The following FSTL5 variants were observed in gnomAD, a reference collection of about 807,000 sequenced individuals.
The protein encoded by FSTL5 is follistatin like 5.
FSTL5 carries 62 observed loss-of-function variants against 89.1 expected under a neutral mutation model. The observed-to-expected ratio is 0.70, with a 90% CI of 0.57 to 0.86. The LOEUF is 0.86. Ranked by LOEUF, FSTL5 falls within the 40% of genes least tolerant of loss-of-function variation. FSTL5 has a pLI of 0.00. For missense variants in FSTL5, 1,057 were observed against 1,001.6 expected, an observed-to-expected ratio of 1.06 and a Z score of -0.75; for synonymous variants, 383 against 346.2, an observed-to-expected ratio of 1.11 and a Z score of -1.18.
chr4:161,597,714 T>C (rs184807906), intron 7 of FSTL5, among the ~76,000 whole-genome samples: 2 of 152,036 alleles, frequency 1.3e-5, no homozygotes, highest in African/African-American at 2.4e-5. Flanking sequence ...GCAGTTGTCC[T>C]GAGTAGATAC....
intron 8 of FSTL5, among the ~76,000 whole-genome samples, chr4:161,562,522 A>G (rs966825275): frequency 6.6e-6 from 1 of 151,924 alleles, no homozygotes; most frequent in African/African-American, 2.4e-5. Context: ...ATAATTTATA[A>G]TTTGGCTTTC....
intron 4 of FSTL5, among the ~76,000 whole-genome samples, chr4:161,831,885 C>T (rs1389254834): frequency 6.6e-6 from 1 of 151,542 alleles, no homozygotes; most frequent in Non-Finnish European, 1.5e-5. Flanking sequence ...AGAAAATTTG[C>T]TGAAAACTAT....
intron 6 of FSTL5, among the ~76,000 whole-genome samples, chr4:161,752,570 T>C (rs7689282): frequency 0.99 from 150,178 of 152,288 alleles, 74,075 homozygotes; most frequent in East Asian, 1. Context: ...TTCTGCCAAA[T>C]CTAGTGGCCA....
chr4:161,802,247 A>C (rs1227670649), intron 4 of FSTL5, among the ~76,000 whole-genome samples: 3 of 151,730 alleles, frequency 2.0e-5, no homozygotes, highest in African/African-American at 7.2e-5. Flanking sequence ...AAAATTAACT[A>C]TCTCCTATAA....
intron 7 of FSTL5, among the ~76,000 whole-genome samples, chr4:161,629,679 G>C (rs1053593557): frequency 6.6e-6 from 1 of 152,148 alleles, no homozygotes; most frequent in Non-Finnish European, 1.5e-5. Context: ...GCATCTTGGA[G>C]GGAAGAAAAT....
intron 2 of FSTL5, among the ~76,000 whole-genome samples, chr4:162,060,878 A>G (rs1225334173): frequency 6.6e-6 from 1 of 152,096 alleles, no homozygotes; most frequent in East Asian, 1.9e-4. Flanking sequence ...CTTAATATAC[A>G]GAAATTTCTG....
At chr4:162,101,682 G>T (rs1190414986) in intron 2 of FSTL5, among the ~76,000 whole-genome samples, 1 of 152,128 alleles carries the variant, frequency 6.6e-6, no homozygotes, top group Non-Finnish European at 1.5e-5. Flanking sequence ...AAGTAATACT[G>T]GATACAAATA....
At chr4:161,602,151 A>G (rs1734265745) in intron 7 of FSTL5, among the ~76,000 whole-genome samples, 1 of 151,830 alleles carries the variant, frequency 6.6e-6, no homozygotes, top group Non-Finnish European at 1.5e-5. Flanking sequence ...AGGACATGCT[A>G]TAAATAAATA....
At chr4:161,722,119 C>T (rs11933049) in intron 6 of FSTL5, among the ~76,000 whole-genome samples, 9,555 of 152,022 alleles carry the variant, frequency 0.063, 554 homozygotes, top group African/African-American at 0.16. Context: ...ATATCCTTGC[C>T]TTAAGGATTA....
chr4:161,992,859 AAAATATATATATAT>A (rs1560957261), intron 3 of FSTL5, among the ~76,000 whole-genome samples: 14 of 14,808 alleles, frequency 9.5e-4, no homozygotes, highest in Admixed American at 4.8e-3. Flanking sequence ...AAAAAAAAAA[AAAATATATATATAT>A]ATATATATAT....
chr4:161,669,581 C>T (rs1416970325), intron 6 of FSTL5, among the ~76,000 whole-genome samples: 1 of 151,750 alleles, frequency 6.6e-6, no homozygotes, highest in Non-Finnish European at 1.5e-5. Context: ...AACAAATGGA[C>T]ATTCACATTT....
At chr4:162,035,508 T>A (rs1384526434) in intron 2 of FSTL5, 1 of 151,970 alleles carries the variant, frequency 6.6e-6, no homozygotes, top group Non-Finnish European at 1.5e-5. Flanking sequence ...TCAAAAATAT[T>A]AAGGAGATCA....
intron 3 of FSTL5, among the ~76,000 whole-genome samples, chr4:162,024,118 A>G (rs1737194586): frequency 6.6e-6 from 1 of 152,202 alleles, no homozygotes. Context: ...CACAGAATCC[A>G]CCACAGAGCA....
chr4:162,085,809 G>A (rs1246201376), intron 2 of FSTL5, among the ~76,000 whole-genome samples: 1 of 152,056 alleles, frequency 6.6e-6, no homozygotes, highest in Non-Finnish European at 1.5e-5. Flanking sequence ...TCAGTCTCTT[G>A]GATACTAAAA....
At chr4:161,923,116 C>A (rs1025941889) in intron 3 of FSTL5, among the ~76,000 whole-genome samples, 8 of 151,860 alleles carry the variant, frequency 5.3e-5, no homozygotes, top group Admixed American at 3.9e-4. Context: ...TCCAACCATG[C>A]CCAAATAACA....
intron 6 of FSTL5, among the ~76,000 whole-genome samples, chr4:161,722,555 T>C (rs958361339): frequency 6.6e-6 from 1 of 152,190 alleles, no homozygotes; most frequent in African/African-American, 2.4e-5. Context: ...TTCTAGCACC[T>C]TTGAATATTC....
chr4:162,001,993 ATTTT>A lies in FSTL5; in HGVS notation c.160+31628_160+31631del, dbSNP rs530932361. 9.2e-5 allele frequency among the ~76,000 whole-genome samples: 14 copies of A among 151,852 alleles called. No individual in the cohort carries two copies. The East Asian group carries it at 2.5e-3, about 27-fold the overall frequency. ...AAGATTGAACCTGTCTACTTTTTTT[ATTTT>A]TTTTAAGTATCATTATTTTGTTTGG... On this transcript the variant is annotated intron_variant, in intron 3 of 15. Transcript: ENST00000306100.
chr4:161,782,196 A>G (rs543326276), intron 4 of FSTL5, among the ~76,000 whole-genome samples: 1 of 152,314 alleles, frequency 6.6e-6, no homozygotes, highest in South Asian at 2.1e-4. Flanking sequence ...AAGCTGCTAT[A>G]AACATCTGTG....
In FSTL5 at chr4:161,656,508, G is replaced by T; in HGVS notation, c.728-14C>A. On this transcript the variant is annotated splice_polypyrimidine_tract_variant and intron_variant, in intron 6 of 15. Transcript: ENST00000306100. ...ACTGGATCACTTCTGTAAAGATGAA[G>T]TGTCAGTAATGTTGATGAGCATTTA... is the stretch of plus-strand genomic sequence containing the variant. The T allele has an allele frequency of 6.6e-7, 1 of 1,509,722 alleles. No individual in the cohort carries two copies. The allele number at this position is 1,509,722 out of a possible 1,614,324, so 93.5% of individuals were successfully genotyped here. A position where few individuals can be genotyped will look rare whatever the true frequency, so the allele number is the denominator to read the frequency against.
Sources: allele counts gnomAD v4.1 joint callset (sites outside exome capture counted in the v4.1 genomes callset), GRCh38; gene constraint gnomAD v4.1.1; transcripts MANE v1.5; gene names NCBI Gene and HGNC (gene_info 2026-07-23, HGNC 2026-07-21).